The following KCNQ1 variants were observed in gnomAD, a reference collection of about 807,000 sequenced individuals.
KCNQ1 encodes potassium voltage-gated channel subfamily KQT member 1.
A neutral mutation model predicts 72.4 loss-of-function variants in KCNQ1; 49 were observed. The observed-to-expected ratio is 0.68, with a 90% CI of 0.54 to 0.86. The LOEUF (loss-of-function observed/expected upper bound fraction) is 0.86, where lower values mean the gene tolerates loss of function less well. Ranked by LOEUF, KCNQ1 falls within the 40% of genes least tolerant of loss-of-function variation. The pLI is 0.00. For missense variants in KCNQ1, 790 were observed against 945.1 expected (o/e 0.84, Z 2.15); for synonymous variants, 450 against 412.6 (o/e 1.09, Z -1.10).
Position 2,621,091 on chromosome 11 carries a change from T to C in KCNQ1, c.1393+32237T>C, listed in dbSNP as rs12791259. ...CTCCTGGGTTCAAGCAATTCTCCTG[T>C]CTCAGACTCCTGAGTAGCTGGGATT... On this transcript the variant is annotated intron_variant, in intron 10 of 15. Coordinates refer to ENST00000155840, the MANE Select transcript of KCNQ1 (RefSeq NM_000218.3). The surrounding 1 kb of genome is among the most constrained non-coding windows in gnomAD (Gnocchi z 5.7). 34,701 of 396,516 alleles carry C rather than the reference T, an allele frequency of 0.088. 1,850 individuals are homozygous for C. The highest frequency in any genetic ancestry group is 0.11 in the Non-Finnish European group (25,031 of 225,350). The allele number at this position is 396,516 out of a possible 1,614,324, so 24.6% of individuals were successfully genotyped here.
Position 2,475,671 on chromosome 11 carries a change from G to A in KCNQ1, c.386+30187G>A, listed in dbSNP as rs748764055. Among the ~76,000 whole-genome samples, 3 of 152,146 alleles carry A rather than the reference G, an allele frequency of 2.0e-5. No homozygotes were observed. The highest frequency in any genetic ancestry group is 2.1e-4 in the South Asian group (1 of 4,830). On this transcript the variant is annotated intron_variant, in intron 1 of 15. Coordinates refer to ENST00000155840, the MANE Select transcript of KCNQ1 (RefSeq NM_000218.3). The surrounding 1 kb of genome is among the most constrained non-coding windows in gnomAD (Gnocchi z 5.8). Reference sequence around the variant, plus strand: ...ACAGTGACGTGGTTTGTCACTGCCCGGATCTCATCTTGAATTCCCTGTGTT... The same window carrying A: ...ACAGTGACGTGGTTTGTCACTGCCCAGATCTCATCTTGAATTCCCTGTGTT...
chr11:2,847,535 A>G (rs1848354627), intron 15 of KCNQ1, among the ~76,000 whole-genome samples: 1 of 152,206 alleles, frequency 6.6e-6, no homozygotes, highest in African/African-American at 2.4e-5. Flanking sequence ...GACTCCCAGC[A>G]CGCACGGGAT....
Position 2,461,795 on chromosome 11 carries a change from G to A in KCNQ1, c.386+16311G>A, listed in dbSNP as rs975077562. 24 of 1,210,130 alleles carry A rather than the reference G, an allele frequency of 2.0e-5. 1 individual carries two copies. In the East Asian group the frequency reaches 2.7e-4, roughly 14 times the overall value. The allele number at this position is 1,210,130 out of a possible 1,614,324, so 75.0% of individuals were successfully genotyped here. On this transcript the variant is annotated intron_variant, in intron 1 of 15. Coordinates refer to ENST00000155840, the MANE Select transcript of KCNQ1 (RefSeq NM_000218.3). Reference sequence around the variant, plus strand: ...GGGGCTGAATTGTGGTCAGTTATGGGTGGCGGGTAGATGGGTGGACAGCTG... The same window carrying A: ...GGGGCTGAATTGTGGTCAGTTATGGATGGCGGGTAGATGGGTGGACAGCTG...
At position 2,669,279 on chromosome 11, in the gene KCNQ1, G is replaced by A. The variant is rs1465480484; in HGVS notation, c.1514+7198G>A. Reference sequence around the variant, plus strand: ...CATCACTGGCTTTGCTGTCTTTGCAGGGTTTCTCCTCACCATACATATGCC... The same window carrying A: ...CATCACTGGCTTTGCTGTCTTTGCAAGGTTTCTCCTCACCATACATATGCC... On this transcript the variant is annotated intron_variant, in intron 11 of 15. Coordinates refer to ENST00000155840, the MANE Select transcript of KCNQ1 (RefSeq NM_000218.3). The surrounding 1 kb of genome is among the most constrained non-coding windows in gnomAD (Gnocchi z 5.6). The A allele has an allele frequency of 1.5e-5, 6 of 398,554 alleles. No homozygotes were observed. The highest frequency in any genetic ancestry group is 2.2e-5 in the Non-Finnish European group (5 of 226,108). The allele number at this position is 398,554 out of a possible 1,614,324, so 24.7% of individuals were successfully genotyped here. A position where few individuals can be genotyped will look rare whatever the true frequency, so the allele number is the denominator to read the frequency against.
intron 15 of KCNQ1, among the ~76,000 whole-genome samples, chr11:2,845,837 C>T (rs1426246154): frequency 1.3e-5 from 2 of 152,182 alleles, no homozygotes; most frequent in Non-Finnish European, 1.5e-5. Flanking sequence ...CTCGGCCCCA[C>T]TCAGGCAGGC....
intron 10 of KCNQ1, chr11:2,656,964 C>T (rs1849861392): frequency 2.5e-6 from 1 of 398,610 alleles, no homozygotes; most frequent in East Asian, 3.6e-5. Flanking sequence ...TGCTCCTGAA[C>T]ATTTGATTGA....
At chr11:2,693,943 C>T in intron 11 of KCNQ1, 1 of 398,810 alleles carries the variant, frequency 2.5e-6, no homozygotes, top group Non-Finnish European at 4.4e-6. Context: ...CTGAGAACCA[C>T]TCATTCATCA....
chr11:2,732,658 G>T (rs983922301), intron 11 of KCNQ1, among the ~76,000 whole-genome samples: 1 of 152,238 alleles, frequency 6.6e-6, no homozygotes, highest in Admixed American at 6.5e-5. Flanking sequence ...GCAGTTGCGT[G>T]AGCAGGAACA....
intron 10 of KCNQ1, chr11:2,660,562 C>A: frequency 2.5e-6 from 1 of 398,482 alleles, no homozygotes; most frequent in Non-Finnish European, 4.4e-6. Context: ...CAAAAGTGAG[C>A]AAAGGACATG....
At position 2,537,211 on chromosome 11, in the gene KCNQ1, G is replaced by A. The variant is rs967353830; in HGVS notation, c.477+9193G>A. On this transcript the variant is annotated intron_variant, in intron 2 of 15. Transcript: ENST00000155840. This position sits in a 1 kb window ranked among gnomAD's most constrained non-coding sequence, Gnocchi z 5.2. Reference sequence around the variant, plus strand: ...TGTGTGTGTAAATAAAGCTTTATTAGCACACAGCACCACATACTTGAGGGC... The same window carrying A: ...TGTGTGTGTAAATAAAGCTTTATTAACACACAGCACCACATACTTGAGGGC... Among the ~76,000 whole-genome samples, 2 of 151,952 alleles carry A rather than the reference G, an allele frequency of 1.3e-5. No individual in the cohort carries two copies. Among genetic ancestry groups the A allele is most frequent in the African/African-American group, 2.4e-5 (1 of 41,260 alleles).
rs922256872 is a variant in KCNQ1 at position 2,677,933 on chromosome 11, A to G, written c.1514+15852A>G. 3.0e-5 allele frequency: 12 copies of G among 398,410 alleles called. No individual in the cohort carries two copies. The Middle Eastern group carries it at 3.7e-3, about 124-fold the overall frequency. The allele number at this position is 398,410 out of a possible 1,614,324, so 24.7% of individuals were successfully genotyped here. ...TCAGGTTTTTATCTTCATTCATTTC[A>G]TAGATGAGAAATGGTACACTGGAGC... On this transcript the variant is annotated intron_variant, in intron 11 of 15. Coordinates refer to ENST00000155840, the MANE Select transcript of KCNQ1 (RefSeq NM_000218.3). This position sits in a 1 kb window ranked among gnomAD's most constrained non-coding sequence, Gnocchi z 4.5.
chr11:2,577,699 C>T (rs1277184923), intron 6 of KCNQ1, among the ~76,000 whole-genome samples: 4 of 152,208 alleles, frequency 2.6e-5, no homozygotes, highest in Non-Finnish European at 5.9e-5. Flanking sequence ...TTCCCCCACC[C>T]CCACCTGGTG....
intron 9 of KCNQ1, 91 bp downstream of exon 9, chr11:2,587,783 T>C: frequency 6.4e-7 from 1 of 1,559,094 alleles, no homozygotes; most frequent in South Asian, 1.1e-5. Context: ...GATCTCACCA[T>C]GCATTTGGCT....
intron 12 of KCNQ1, among the ~76,000 whole-genome samples, chr11:2,774,387 G>C (rs1846655154): frequency 6.6e-6 from 1 of 152,304 alleles, no homozygotes; most frequent in South Asian, 2.1e-4. Flanking sequence ...TTCCTTCCAT[G>C]GGGCACAGCT....
chr11:2,847,596 C>T (rs1390971979), intron 15 of KCNQ1, among the ~76,000 whole-genome samples, 171 bp from the exon 16 acceptor site: 1 of 152,200 alleles, frequency 6.6e-6, no homozygotes. Context: ...CAGGCGCGAC[C>T]GAGGGCCTTG....
chr11:2,552,659 CTT>C, intron 2 of KCNQ1, among the ~76,000 whole-genome samples: 1 of 152,142 alleles, frequency 6.6e-6, no homozygotes, highest in Non-Finnish European at 1.5e-5. Context: ...TCATACACGT[CTT>C]AGTAATACCG....
At position 2,676,775 on chromosome 11, in the gene KCNQ1, T is replaced by A; in HGVS notation, c.1514+14694T>A. ...GCTGTATGAAGCAACCCTAGGACAT[T>A]TGAAGAGAATGGAGTGATGGCCAGT... On this transcript the variant is annotated intron_variant, in intron 11 of 15. Coordinates refer to ENST00000155840, the MANE Select transcript of KCNQ1 (RefSeq NM_000218.3). The surrounding 1 kb of genome is among the most constrained non-coding windows in gnomAD (Gnocchi z 4.2). 2.5e-6 allele frequency: 1 copy of A among 398,536 alleles called. No homozygotes were observed. Among genetic ancestry groups the A allele is most frequent in the Non-Finnish European group, 4.4e-6 (1 of 226,052 alleles). The allele number at this position is 398,536 out of a possible 1,614,324, so 24.7% of individuals were successfully genotyped here. A position where few individuals can be genotyped will look rare whatever the true frequency, so the allele number is the denominator to read the frequency against.
chr11:2,632,639 A>G, intron 10 of KCNQ1: 1 of 398,402 alleles, frequency 2.5e-6, no homozygotes, highest in Non-Finnish European at 4.4e-6. Context: ...CATATTCATC[A>G]ACTCAAATAT....
At chr11:2,810,572 C>T (rs927707603) in intron 15 of KCNQ1, among the ~76,000 whole-genome samples, 3 of 152,180 alleles carry the variant, frequency 2.0e-5, no homozygotes, top group Non-Finnish European at 2.9e-5. Context: ...GGCATTCCGC[C>T]CTCATTTGAT....
Sources: gnomAD v4.1 joint callset for allele counts (sites outside exome capture counted in the v4.1 genomes callset) on GRCh38, gnomAD v4.1.1 for gene constraint, Gnocchi (gnomAD v3.1) non-coding constraint, MANE v1.5 for transcripts, NCBI Gene and HGNC (gene_info 2026-07-23, HGNC 2026-07-21) for gene names.